SUPT20H: variants seen among roughly 807,000 people sequenced by gnomAD.
SUPT20H encodes transcription factor SPT20 homolog.
In SUPT20H, 82 loss-of-function variants were observed where a neutral mutation model predicts 122.8. That is an observed-to-expected ratio of 0.67 (90% CI 0.56 to 0.80). The LOEUF is 0.80. SUPT20H is among the 30% of genes least tolerant of loss of function. SUPT20H has a pLI of 0.00. For missense variants in SUPT20H, 831 were observed against 921.6 expected (o/e 0.90, Z 1.27); for synonymous variants, 291 against 313.0 (o/e 0.93, Z 0.74).
chr13:37,028,398 G>A (rs891511757), intron 13 of SUPT20H, 93 bp from the exon 14 acceptor site: 1 of 1,176,654 alleles, frequency 8.5e-7, no homozygotes, highest in Non-Finnish European at 1.2e-6. Context: ...ACAGTAACAT[G>A]TATCTGACGA....
At chr13:37,031,064 T>C (rs990145258) in intron 12 of SUPT20H, among the ~76,000 whole-genome samples, 1 of 152,164 alleles carries the variant, frequency 6.6e-6, no homozygotes, top group Admixed American at 6.5e-5. Context: ...CAACCATTTA[T>C]AGTTCATGTA....
intron 6 of SUPT20H, 49 bp downstream of exon 6, chr13:37,045,198 C>T: frequency 1.2e-6 from 2 of 1,605,102 alleles, no homozygotes; most frequent in East Asian, 2.2e-5. Flanking sequence ...AACCGCACAT[C>T]CTGCCTAGCA....
intron 1 of SUPT20H, among the ~76,000 whole-genome samples, chr13:37,055,620 G>C (rs2068779207): frequency 6.6e-6 from 1 of 152,184 alleles, no homozygotes. Flanking sequence ...ATTAATTCAA[G>C]ATGGATTAAA....
chr13:37,047,806 G>T (rs148591259), intron 4 of SUPT20H, 72 bp downstream of exon 4: 1 of 1,442,632 alleles, frequency 6.9e-7, no homozygotes, highest in African/African-American at 1.4e-5. Context: ...CAGTCCCTAC[G>T]AGGAATGCAA....
At chr13:37,032,671 G>A (rs2063587370) in intron 10 of SUPT20H, among the ~76,000 whole-genome samples, 1 of 152,136 alleles carries the variant, frequency 6.6e-6, no homozygotes, top group South Asian at 2.1e-4. Context: ...GGAGCCCCCA[G>A]ACTTTTGGGG....
At chr13:37,044,537 T>C (rs1455397323) in intron 6 of SUPT20H, among the ~76,000 whole-genome samples, 2 of 152,178 alleles carry the variant, frequency 1.3e-5, no homozygotes, top group Non-Finnish European at 2.9e-5. Flanking sequence ...TTTGGTGCCT[T>C]ATCTGAAAAG....
rs764603094 is a variant in SUPT20H, at chr13:37,044,116, A to G, written c.358T>C (p.Leu120=). The change falls in exon 7 of 26, where the codon TTA becomes CTA. Residue 120 remains leucine, a synonymous_variant. Transcript: ENST00000350612. ...AGGAGATCAACCAAAATAGGAGGTA[A>G]TTCTTCTGCATCCAAATATTCAAGC... is the stretch of plus-strand genomic sequence containing the variant. ...ELLEYLDAEE[L]PPILVDLLEK... The G allele has an allele frequency of 5.6e-6, 9 of 1,612,794 alleles. No individual in the cohort carries two copies. The Admixed American group carries it at 1.5e-4, about 27-fold the overall frequency.
At chr13:37,044,716 C>T (rs2066104112) in intron 6 of SUPT20H, among the ~76,000 whole-genome samples, 1 of 152,028 alleles carries the variant, frequency 6.6e-6, no homozygotes. Context: ...AAATTATTTT[C>T]ATATTCACCA....
At position 37,009,549 on chromosome 13, in the gene SUPT20H, T is replaced by A; in HGVS notation, c.*123A>T. ...AAAATGATAAGGTTGTGCTTCTGTA[T>A]AAAGTTTGTACATCTAGCAATGTAA... On this transcript the variant is annotated 3_prime_UTR_variant, in exon 26 of 26. Coordinates refer to ENST00000350612, the MANE Select transcript of SUPT20H (RefSeq NM_001014286.3). The A allele has an allele frequency of 2.5e-6, 3 of 1,181,208 alleles. No homozygotes were observed. Among genetic ancestry groups the A allele is most frequent in the Non-Finnish European group, 3.7e-6 (3 of 801,604 alleles). The allele number at this position is 1,181,208 out of a possible 1,614,324, so 73.2% of individuals were successfully genotyped here.
chr13:37,043,884 T>G lies in SUPT20H; in HGVS notation c.396+194A>C, dbSNP rs571346082. ...CAAAGTGCTGGGATTACAGGCATCA[T>G]GAGCCACCAAAGCCCAGCCTGATTT... On this transcript the variant is annotated intron_variant, in intron 7 of 25. Coordinates refer to ENST00000350612, the MANE Select transcript of SUPT20H (RefSeq NM_001014286.3). 3.1e-3 allele frequency among the ~76,000 whole-genome samples: 465 copies of G among 151,520 alleles called. 3 individuals are homozygous for G. Among genetic ancestry groups the G allele is most frequent in the Non-Finnish European group, 4.3e-3 (290 of 67,804 alleles).
rs758789317 is a variant in SUPT20H, at chr13:37,028,300, T to C, written c.999A>G (p.Val333=). The part of the protein sequence containing the change: ...SQPTVWPAHD[V]KDDYVFECEA... ...CACATTCAAATACATAATCATCTTTTACATCCTGAAAAATGCATAGCACCT... is the reference window on the plus strand; with the variant it reads ...CACATTCAAATACATAATCATCTTTCACATCCTGAAAAATGCATAGCACCT... The change falls in exon 14 of 26, where the codon GTA becomes GTG. Residue 333 remains valine, a synonymous_variant. Transcript: ENST00000350612. 2 of 1,605,138 alleles carry C rather than the reference T, an allele frequency of 1.2e-6. No homozygotes were observed. Among genetic ancestry groups the C allele is most frequent in the African/African-American group, 2.7e-5 (2 of 74,342 alleles).
chr13:37,028,341 A>G, intron 13 of SUPT20H, 36 bp from the exon 14 acceptor site: 1 of 1,573,128 alleles, frequency 6.4e-7, no homozygotes, highest in Non-Finnish European at 8.6e-7. Flanking sequence ...AAATACCTTC[A>G]CAAGTAGGCA....
At position 37,009,570 on chromosome 13, in the gene SUPT20H, T is replaced by C. The variant is rs768129917; in HGVS notation, c.*102A>G. 5 of 1,328,846 alleles carry C rather than the reference T, an allele frequency of 3.8e-6. No homozygotes were observed. Among genetic ancestry groups the C allele is most frequent in the South Asian group, 1.2e-5 (1 of 82,824 alleles). 82.3% of individuals were successfully genotyped at this position (1,328,846 alleles called of 1,614,324 possible). On this transcript the variant is annotated 3_prime_UTR_variant, in exon 26 of 26. Coordinates refer to ENST00000350612, the MANE Select transcript of SUPT20H (RefSeq NM_001014286.3). The stretch of plus-strand genomic sequence containing the variant: ...TGTATAAAGTTTGTACATCTAGCAA[T>C]GTAAAATACTGACACATTAAAAAAA...
intron 2 of SUPT20H, among the ~76,000 whole-genome samples, chr13:37,050,197 G>A (rs775222770): frequency 2.0e-5 from 3 of 151,908 alleles, no homozygotes; most frequent in Non-Finnish European, 4.4e-5. Flanking sequence ...AAAACGTTCA[G>A]TTATAATAAA....
At chr13:37,057,412 A>G (rs919353086) in intron 1 of SUPT20H, among the ~76,000 whole-genome samples, 1 of 152,020 alleles carries the variant, frequency 6.6e-6, no homozygotes, top group Non-Finnish European at 1.5e-5. Context: ...CTGGGTGTCT[A>G]CACAGCTGAA....
intron 24 of SUPT20H, 76 bp downstream of exon 24, chr13:37,012,113 AAAT>A (rs2059718266): frequency 3.5e-6 from 4 of 1,151,668 alleles, no homozygotes; most frequent in Non-Finnish European, 5.1e-6. Context: ...AAGGAAAAGA[AAAT>A]AATTTAAGCG....
chr13:37,056,307 C>T (rs530397433), intron 1 of SUPT20H, among the ~76,000 whole-genome samples: 20 of 152,194 alleles, frequency 1.3e-4, no homozygotes, highest in Non-Finnish European at 2.2e-4. Flanking sequence ...TATAAAGACA[C>T]ATGCACACGT....
At chr13:37,025,778 A>C (rs185702864) in intron 16 of SUPT20H, 132 of 234,094 alleles carry the variant, frequency 5.6e-4, no homozygotes, top group African/African-American at 2.9e-3. Flanking sequence ...TCTAGAAATC[A>C]TCTTCCTTAG....
chr13:37,049,118 T>C (rs2067096513), intron 2 of SUPT20H, among the ~76,000 whole-genome samples: 1 of 152,150 alleles, frequency 6.6e-6, no homozygotes, highest in African/African-American at 2.4e-5. Context: ...ATCATTGCCA[T>C]GTTTCAATGA....
Sources: gnomAD v4.1 joint callset for allele counts (sites outside exome capture counted in the v4.1 genomes callset) on GRCh38, gnomAD v4.1.1 for gene constraint, MANE v1.5 for transcripts, NCBI Gene and HGNC (gene_info 2026-07-23, HGNC 2026-07-21) for gene names.